TACR3: variants seen among roughly 807,000 people sequenced by gnomAD.
TACR3 encodes the protein neuromedin-K receptor.
In TACR3, 34 loss-of-function variants were observed where a neutral mutation model predicts 35.0. That is an observed-to-expected ratio of 0.97 (90% CI 0.74 to 1.30). The LOEUF is 1.30. Ranked by LOEUF, TACR3 falls within the 50% of genes most tolerant of loss-of-function variation. The pLI is 0.00. For missense variants in TACR3, 558 were observed against 591.7 expected (o/e 0.94, Z 0.59); for synonymous variants, 233 against 221.1 (o/e 1.05, Z -0.48).
Position 103,656,303 on chromosome 4 carries a change from A to G in TACR3, c.779T>C (p.Leu260Ser). 6.2e-7 allele frequency: 1 copy of G among 1,612,856 alleles called. No homozygotes were observed. Among genetic ancestry groups the G allele is most frequent in the South Asian group, 1.1e-5 (1 of 91,070 alleles). The change falls in exon 3 of 5, where the codon TTG becomes TCG. Residue 260 changes from leucine to serine, a missense_variant. Transcript: ENST00000304883. ...GGTGTATGTAATACCCATGATGAGC[A>G]ATGGGAAACAGTACACCAGTATAAT... ...IVIILVYCFP[L>S]LIMGITYTIV...
chr4:103,614,685 G>C (rs1724593518), intron 3 of TACR3, among the ~76,000 whole-genome samples: 1 of 152,032 alleles, frequency 6.6e-6, no homozygotes, highest in Admixed American at 6.6e-5. Flanking sequence ...GTGAAGAAGA[G>C]ATGAGAACAC....
At chr4:103,685,489 T>G (rs1258369019) in intron 1 of TACR3, among the ~76,000 whole-genome samples, 3 of 152,170 alleles carry the variant, frequency 2.0e-5, no homozygotes, top group South Asian at 2.1e-4. Flanking sequence ...AAAGTTCATA[T>G]GAGCAAAAAT....
chr4:103,650,600 A>G (rs1725572274), intron 3 of TACR3, among the ~76,000 whole-genome samples: 1 of 113,096 alleles, frequency 8.8e-6, no homozygotes, highest in African/African-American at 3.6e-5. Context: ...TAAAATTTAT[A>G]TAAAATATAT....
At chr4:103,689,400 T>C (rs138447464) in intron 1 of TACR3, among the ~76,000 whole-genome samples, 3 of 152,090 alleles carry the variant, frequency 2.0e-5, no homozygotes, top group African/African-American at 4.8e-5. Context: ...TAAAGTATAA[T>C]AATTGAAAAA....
chr4:103,667,550 G>T (rs562139989), intron 1 of TACR3, among the ~76,000 whole-genome samples: 1 of 152,176 alleles, frequency 6.6e-6, no homozygotes, highest in African/African-American at 2.4e-5. Context: ...CAATAACTCT[G>T]ATTTGATCAT....
chr4:103,621,920 T>C (rs1244476206), intron 3 of TACR3, among the ~76,000 whole-genome samples: 1 of 152,110 alleles, frequency 6.6e-6, no homozygotes, highest in Non-Finnish European at 1.5e-5. Flanking sequence ...TCCTGGGAGA[T>C]GAGATTATCC....
At chr4:103,704,890 A>T (rs944039781) in intron 1 of TACR3, among the ~76,000 whole-genome samples, 1 of 152,196 alleles carries the variant, frequency 6.6e-6, no homozygotes, top group Non-Finnish European at 1.5e-5. Context: ...TTAAATATTC[A>T]TGTTAACGTT....
At chr4:103,691,484 T>G (rs1722399933) in intron 1 of TACR3, among the ~76,000 whole-genome samples, 1 of 152,176 alleles carries the variant, frequency 6.6e-6, no homozygotes, top group African/African-American at 2.4e-5. Context: ...GCATAAAGGC[T>G]TTCCTTTGTG....
At position 103,629,869 on chromosome 4, in the gene TACR3, A is replaced by T. The variant is rs557426868; in HGVS notation, c.888+26325T>A. 3.3e-5 allele frequency among the ~76,000 whole-genome samples: 4 copies of T among 122,782 alleles called. 1 individual carries two copies. Among genetic ancestry groups the T allele is most frequent in the Non-Finnish European group, 7.1e-5 (4 of 56,282 alleles). The allele number at this position is 122,782 out of a possible 152,430, so 80.5% of individuals were successfully genotyped here. A position where few individuals can be genotyped will look rare whatever the true frequency, so the allele number is the denominator to read the frequency against. On this transcript the variant is annotated intron_variant, in intron 3 of 4. Coordinates refer to ENST00000304883, the MANE Select transcript of TACR3 (RefSeq NM_001059.3). ...GCAAAACAAAAAAAAAACAAAAAAA[A>T]AACAAAAAAAACAACAACAACAACA...
At chr4:103,654,916 T>C (rs927883160) in intron 3 of TACR3, among the ~76,000 whole-genome samples, 2 of 152,140 alleles carry the variant, frequency 1.3e-5, no homozygotes, top group East Asian at 1.9e-4. Context: ...ATACTGTTCA[T>C]GTAAGAGGGC....
intron 3 of TACR3, among the ~76,000 whole-genome samples, chr4:103,599,180 A>C (rs1321142749): frequency 6.6e-6 from 1 of 152,112 alleles, no homozygotes; most frequent in African/African-American, 2.4e-5. Flanking sequence ...ATCCCTTGTA[A>C]GTTGGATTCC....
intron 3 of TACR3, among the ~76,000 whole-genome samples, chr4:103,602,496 T>A (rs1334560093): frequency 6.6e-6 from 1 of 152,140 alleles, no homozygotes; most frequent in Non-Finnish European, 1.5e-5. Context: ...CTGCTCTTTT[T>A]TTTTTTTCCC....
At chr4:103,629,236 A>G (rs1724985708) in intron 3 of TACR3, among the ~76,000 whole-genome samples, 2 of 152,110 alleles carry the variant, frequency 1.3e-5, no homozygotes, top group South Asian at 2.1e-4. Context: ...GCACAAGACA[A>G]GGATGCCCTC....
intron 2 of TACR3, 112 bp from the exon 3 acceptor site, chr4:103,656,456 T>G (rs559122741): frequency 1.0e-6 from 1 of 991,608 alleles, no homozygotes; most frequent in African/African-American, 1.6e-5. Context: ...TATTTCTACA[T>G]TATCTCTATA....
intron 1 of TACR3, among the ~76,000 whole-genome samples, chr4:103,665,222 G>A (rs1214901633): frequency 7.1e-6 from 1 of 141,048 alleles, no homozygotes; most frequent in African/African-American, 2.6e-5. Flanking sequence ...ATCTATATTT[G>A]CTGACTCATG....
At chr4:103,628,440 T>C (rs150291217) in intron 3 of TACR3, among the ~76,000 whole-genome samples, 16,903 of 151,898 alleles carry the variant, frequency 0.11, 970 homozygotes, top group African/African-American at 0.13. Context: ...GAATCAAATA[T>C]ACACAATAAA....
At chr4:103,647,911 A>C (rs1048891099) in intron 3 of TACR3, among the ~76,000 whole-genome samples, 3 of 152,018 alleles carry the variant, frequency 2.0e-5, no homozygotes, top group Non-Finnish European at 4.4e-5. Flanking sequence ...ATTAATTCAA[A>C]GTTTAAATAT....
chr4:103,707,801 C>A (rs1722829906), intron 1 of TACR3, among the ~76,000 whole-genome samples: 1 of 152,162 alleles, frequency 6.6e-6, no homozygotes, highest in Non-Finnish European at 1.5e-5. Flanking sequence ...TCACTCCCAC[C>A]CTAATACTGC....
chr4:103,702,070 A>G (rs966065471), intron 1 of TACR3, among the ~76,000 whole-genome samples: 7 of 152,204 alleles, frequency 4.6e-5, no homozygotes, highest in African/African-American at 1.4e-4. Context: ...TAAACTAAAG[A>G]GCTTCAGCAC....
Sources: gnomAD v4.1 joint callset for allele counts (sites outside exome capture counted in the v4.1 genomes callset) on GRCh38, gnomAD v4.1.1 for gene constraint, MANE v1.5 for transcripts, NCBI Gene and HGNC (gene_info 2026-07-23, HGNC 2026-07-21) for gene names.